PTPRC: variants seen among roughly 807,000 people sequenced by gnomAD.
PTPRC encodes the protein receptor-type tyrosine-protein phosphatase C.
In PTPRC, 44 loss-of-function variants were observed where a neutral mutation model predicts 155.9. The observed-to-expected ratio is 0.28, with a 90% confidence interval of 0.22 to 0.36. The LOEUF (loss-of-function observed/expected upper bound fraction) is 0.36, where lower values mean the gene tolerates loss of function less well. Ranked by LOEUF, PTPRC falls within the 10% of genes least tolerant of loss-of-function variation. The probability of loss-of-function intolerance (pLI) is 1.00; values close to 1 mark genes in which losing one functional copy is unlikely to be tolerated. For missense variants in PTPRC, 1,401 were observed against 1,564.6 expected, an observed-to-expected ratio of 0.90 and a Z score of 1.76; for synonymous variants, 525 against 533.1, an observed-to-expected ratio of 0.98 and a Z score of 0.21.
chr1:198,670,683 C>T (rs1376638738), intron 2 of PTPRC, among the ~76,000 whole-genome samples: 2 of 152,084 alleles, frequency 1.3e-5, no homozygotes, highest in Non-Finnish European at 2.9e-5. Flanking sequence ...CTAATTCATA[C>T]TCCCTATTGC....
chr1:198,756,273 T>G lies in PTPRC; in HGVS notation c.*92T>G, dbSNP rs1185410064. ...GAAGTGAAAATAGGTATACAGTGGA[T>G]TAATTAAATGCAGCGAACCAATATT... On this transcript the variant is annotated 3_prime_UTR_variant, in exon 33 of 33. Transcript: ENST00000442510. 2.0e-6 allele frequency: 3 copies of G among 1,479,052 alleles called. No homozygotes were observed. In the Admixed American group the frequency reaches 5.7e-5, roughly 28 times the overall value. 91.6% of individuals were successfully genotyped at this position (1,479,052 alleles called of 1,614,324 possible).
At chr1:198,729,758 A>G (rs999603196) in intron 17 of PTPRC, among the ~76,000 whole-genome samples, 2 of 152,208 alleles carry the variant, frequency 1.3e-5, no homozygotes, top group Admixed American at 1.3e-4. Context: ...ATCTCAACAA[A>G]TATGACGGTA....
intron 8 of PTPRC, among the ~76,000 whole-genome samples, chr1:198,705,154 A>G (rs1188325303): frequency 6.6e-6 from 1 of 150,460 alleles, no homozygotes; most frequent in African/African-American, 2.5e-5. Flanking sequence ...CTTGATTCTC[A>G]GTTGAAGCAA....
chr1:198,712,998 A>G lies in PTPRC; in HGVS notation c.1217A>G (p.His406Arg). The part of the protein sequence containing the change: ...QIIFCRSEAA[H>R]QGVITWNPPQ... ...ATTTTTTGTAGAAGTGAAGCTGCACATCAAGGAGTAATTACCTGGAATCCC... is the reference window on the plus strand; with the variant it reads ...ATTTTTTGTAGAAGTGAAGCTGCACGTCAAGGAGTAATTACCTGGAATCCC... Residue 406 changes from histidine (H) to arginine (R), a missense_variant, in exon 12 of 33, where the codon CAT becomes CGT. Coordinates refer to ENST00000442510, the MANE Select transcript of PTPRC (RefSeq NM_002838.5). The G allele has an allele frequency of 6.2e-7, 1 of 1,613,880 alleles. No individual in the cohort carries two copies. The highest frequency in any genetic ancestry group is 8.5e-7 in the Non-Finnish European group (1 of 1,179,792).
At chr1:198,716,316 T>TA in intron 12 of PTPRC, among the ~76,000 whole-genome samples, 1 of 152,296 alleles carries the variant, frequency 6.6e-6, no homozygotes, top group African/African-American at 2.4e-5. Flanking sequence ...AAAGGTTTTC[T>TA]AAAAAAGAAT....
chr1:198,715,115 T>C (rs1653509310), intron 12 of PTPRC, among the ~76,000 whole-genome samples: 1 of 152,080 alleles, frequency 6.6e-6, no homozygotes, highest in Non-Finnish European at 1.5e-5. Context: ...TCCTTTCTGC[T>C]CTTGGTTTTG....
rs7534243 is a variant in PTPRC, at chr1:198,703,022, G to C, written c.584-276G>C. 0.029 allele frequency among the ~76,000 whole-genome samples: 4,451 copies of C among 152,270 alleles called. 194 individuals carry two copies. Among genetic ancestry groups the C allele is most frequent in the African/African-American group, 0.094 (3,911 of 41,532 alleles). ...CAAGTATGGAAAGCCGTGAATGAAA[G>C]GGAAATGAATAGTCTGAGGAAGATT... On this transcript the variant is annotated intron_variant, in intron 6 of 32. Transcript: ENST00000442510.
At chr1:198,687,652 T>A (rs2102353215) in intron 2 of PTPRC, among the ~76,000 whole-genome samples, 1 of 152,190 alleles carries the variant, frequency 6.6e-6, no homozygotes, top group Non-Finnish European at 1.5e-5. Context: ...CGTAGGTGTT[T>A]TAACTAAGCT....
intron 2 of PTPRC, among the ~76,000 whole-genome samples, chr1:198,650,779 A>G (rs1387884676): frequency 6.6e-6 from 1 of 151,810 alleles, no homozygotes; most frequent in Non-Finnish European, 1.5e-5. Flanking sequence ...CTGGTTTCTG[A>G]GCCTTGGGAA....
intron 2 of PTPRC, among the ~76,000 whole-genome samples, chr1:198,650,786 G>A (rs78379539): frequency 0.01 from 1,553 of 151,816 alleles, 12 homozygotes; most frequent in Middle Eastern, 0.027. Flanking sequence ...CTGAGCCTTG[G>A]GAAACTTCAT....
At chr1:198,653,012 A>T (rs1027934474) in intron 2 of PTPRC, among the ~76,000 whole-genome samples, 3 of 151,852 alleles carry the variant, frequency 2.0e-5, no homozygotes, top group African/African-American at 7.2e-5. Flanking sequence ...AATAATAAAA[A>T]TACCTTTAGT....
intron 8 of PTPRC, 124 bp downstream of exon 8, chr1:198,704,622 G>A (rs898180698): frequency 2.2e-5 from 34 of 1,557,800 alleles, no homozygotes; most frequent in Middle Eastern, 1.7e-4. Context: ...ATTTCTCACC[G>A]ATGACTAGTC....
intron 2 of PTPRC, among the ~76,000 whole-genome samples, chr1:198,683,729 A>G (rs1295127577): frequency 6.6e-6 from 1 of 152,074 alleles, no homozygotes. Flanking sequence ...ATTCCCAGTC[A>G]GGATTAATAC....
rs375741912 is a variant in PTPRC, at chr1:198,732,567, A to C, written c.2142+11A>C. The C allele has an allele frequency of 1.1e-4, 175 of 1,599,966 alleles. No individual in the cohort carries two copies. The highest frequency in any genetic ancestry group is 1.4e-4 in the Non-Finnish European group (169 of 1,170,466). ...GCCAGCTATATTGATGTGAGTAAAA[A>C]TTTGCATTTTTCTTATACCTACATA... On this transcript the variant is annotated intron_variant, in intron 20 of 32. Coordinates refer to ENST00000442510, the MANE Select transcript of PTPRC (RefSeq NM_002838.5).
rs574969839 is a variant in PTPRC at position 198,668,771 on chromosome 1, T to C, written c.74-23576T>C. On this transcript the variant is annotated intron_variant, in intron 2 of 32. Transcript: ENST00000442510. Reference sequence around the variant, plus strand: ...ATCCCAAAAGGGCATGGCTGAATGTTTAGCCTTTCAGAGTTGGGGAATCCA... The same window carrying C: ...ATCCCAAAAGGGCATGGCTGAATGTCTAGCCTTTCAGAGTTGGGGAATCCA... 8.3e-4 allele frequency among the ~76,000 whole-genome samples: 126 copies of C among 152,312 alleles called. 2 individuals carry two copies. Among genetic ancestry groups the C allele is most frequent in the Middle Eastern group, 3.4e-3 (1 of 294 alleles).
At chr1:198,643,477 T>G (rs897880827) in intron 2 of PTPRC, among the ~76,000 whole-genome samples, 2 of 151,934 alleles carry the variant, frequency 1.3e-5, no homozygotes, top group African/African-American at 4.8e-5. Flanking sequence ...CAGGACTATT[T>G]TGTCCAGATT....
intron 2 of PTPRC, among the ~76,000 whole-genome samples, chr1:198,673,513 G>A (rs1664768893): frequency 6.6e-6 from 1 of 152,088 alleles, no homozygotes; most frequent in South Asian, 2.1e-4. Flanking sequence ...TACATAATAA[G>A]TGCTGTGTAC....
upstream of PTPRC, chr1:198,639,006 C>G (rs1252787943): frequency 1.1e-5 from 5 of 453,618 alleles, no homozygotes; most frequent in South Asian, 1.4e-4. Context: ...AGGACCCTTA[C>G]AGTATTTTTG....
In PTPRC at chr1:198,741,869, A is replaced by G. The variant is rs766288126; in HGVS notation, c.2404A>G (p.Lys802Glu). 1.2e-6 allele frequency: 2 copies of G among 1,611,322 alleles called. No individual in the cohort carries two copies. Among genetic ancestry groups the G allele is most frequent in the Non-Finnish European group, 1.7e-6 (2 of 1,178,484 alleles). The change falls in exon 24 of 33, where the codon AAA becomes GAA. Residue 802 changes from lysine to glutamate, a missense_variant and splice_region_variant. Lys to Glu is a moderately conservative substitution (Grantham distance 56). Transcript: ENST00000442510. ...YIIQKLNIVN[K>E]KEKATGREVT... ...AAAGAAAATATTATCTCTTGACTAG[A>G]AAAAAGAAAAAGCAACTGGAAGAGA...
Sources: allele counts gnomAD v4.1 joint callset (sites outside exome capture counted in the v4.1 genomes callset), GRCh38; gene constraint gnomAD v4.1.1; transcripts MANE v1.5; gene names NCBI Gene and HGNC (gene_info 2026-07-23, HGNC 2026-07-21).